Variants in GLG1 observed in about 807,000 individuals in gnomAD.
GLG1 encodes golgi glycoprotein 1, also known as Golgi apparatus protein 1.
GLG1 carries 38 observed loss-of-function variants against 160.5 expected under a neutral mutation model. That is an observed-to-expected ratio of 0.24 (90% CI 0.18 to 0.31). The LOEUF is 0.31. Among genes scored for constraint, GLG1 ranks in the 10% least tolerant of loss-of-function variants. The pLI is 1.00. For missense variants in GLG1, 1,373 were observed against 1,505.2 expected (o/e 0.91, Z 1.45); for synonymous variants, 644 against 543.4 (o/e 1.19, Z -2.57).
intron 1 of GLG1, among the ~76,000 whole-genome samples, chr16:74,560,458 C>T (rs1289010218): frequency 6.6e-6 from 1 of 151,688 alleles, no homozygotes; most frequent in Admixed American, 6.6e-5. Flanking sequence ...CTCCCCCCGC[C>T]GCCCCCCTGC....
At chr16:74,516,427 A>C (rs1313976709) in intron 2 of GLG1, among the ~76,000 whole-genome samples, 2 of 152,030 alleles carry the variant, frequency 1.3e-5, no homozygotes, top group Admixed American at 1.3e-4. Flanking sequence ...AACTACATGG[A>C]AACTGAACAA....
intron 8 of GLG1, among the ~76,000 whole-genome samples, chr16:74,487,562 C>G (rs1461525378): frequency 1.3e-5 from 2 of 152,106 alleles, no homozygotes; most frequent in African/African-American, 4.8e-5. Context: ...ATTTGGGAAA[C>G]CTACAAAATG....
intron 2 of GLG1, among the ~76,000 whole-genome samples, chr16:74,510,384 T>G (rs2016765572): frequency 6.6e-6 from 1 of 152,240 alleles, no homozygotes; most frequent in Non-Finnish European, 1.5e-5. Flanking sequence ...AGAAAATATC[T>G]AAAGCCTATT....
chr16:74,603,420 A>G (rs1051757645), intron 1 of GLG1, among the ~76,000 whole-genome samples: 6 of 152,010 alleles, frequency 3.9e-5, no homozygotes, highest in African/African-American at 1.4e-4. Flanking sequence ...AAAAAAAAAA[A>G]AAAAGAAAAT....
chr16:74,473,290 T>C (rs2015273519), intron 13 of GLG1, among the ~76,000 whole-genome samples: 1 of 152,004 alleles, frequency 6.6e-6, no homozygotes, highest in Non-Finnish European at 1.5e-5. Context: ...CTCGGCTCAC[T>C]GCAACCTCCG....
intron 2 of GLG1, among the ~76,000 whole-genome samples, chr16:74,529,080 C>T (rs1410846369): frequency 6.6e-6 from 1 of 151,678 alleles, no homozygotes; most frequent in Admixed American, 6.6e-5. Flanking sequence ...AATTCTCCCG[C>T]CTCAGTCTCT....
intron 24 of GLG1, 113 bp downstream of exon 24, chr16:74,457,761 G>T: frequency 1.1e-6 from 1 of 910,304 alleles, no homozygotes. Flanking sequence ...TCTATGACTG[G>T]GCTACAACTA....
In GLG1 at chr16:74,450,409, T is replaced by C. The variant is rs774583937; in HGVS notation, c.*2758A>G. The C allele has an allele frequency of 6.6e-6, 1 of 152,206 alleles. No individual in the cohort carries two copies. The highest frequency in any genetic ancestry group is 2.4e-5 in the African/African-American group (1 of 41,442). 9.4% of individuals were successfully genotyped at this position (152,206 alleles called of 1,614,324 possible). A position where few individuals can be genotyped will look rare whatever the true frequency, so the allele number is the denominator to read the frequency against. ...TTCAGACTTTGCTGGCCTTGGCACT[T>C]AGAAAAACTTGCTCGGGGCCCTGCC... On this transcript the variant is annotated 3_prime_UTR_variant, in exon 26 of 26. Transcript: ENST00000422840.
chr16:74,558,413 A>T (rs2018410913), intron 1 of GLG1, among the ~76,000 whole-genome samples: 1 of 152,262 alleles, frequency 6.6e-6, no homozygotes, highest in African/African-American at 2.4e-5. Flanking sequence ...TAATAAAATG[A>T]AAGTGTGTGC....
chr16:74,572,826 T>G (rs1485162757), intron 1 of GLG1, among the ~76,000 whole-genome samples: 1 of 152,132 alleles, frequency 6.6e-6, no homozygotes, highest in African/African-American at 2.4e-5. Context: ...GAAGCCCAAT[T>G]TATAGCAGGT....
intron 23 of GLG1, among the ~76,000 whole-genome samples, chr16:74,459,271 G>A (rs1018808883): frequency 3.9e-5 from 6 of 152,194 alleles, no homozygotes; most frequent in African/African-American, 1.4e-4. Flanking sequence ...GAGGTCAGGA[G>A]ATCAAGACCA....
chr16:74,510,937 A>C (rs996107877), intron 2 of GLG1, among the ~76,000 whole-genome samples: 1 of 152,052 alleles, frequency 6.6e-6, no homozygotes, highest in Non-Finnish European at 1.5e-5. Flanking sequence ...CTAAGATGAA[A>C]CCTGAAAGGC....
intron 5 of GLG1, among the ~76,000 whole-genome samples, chr16:74,495,720 A>G (rs912112919): frequency 3.9e-5 from 6 of 152,212 alleles, no homozygotes; most frequent in African/African-American, 7.2e-5. Context: ...ATAGATGTAA[A>G]TAAGATCCTG....
intron 4 of GLG1, among the ~76,000 whole-genome samples, chr16:74,496,981 A>G (rs1218042694): frequency 2.0e-5 from 3 of 152,208 alleles, no homozygotes; most frequent in African/African-American, 7.2e-5. Flanking sequence ...TCAAAAATTC[A>G]TAAGAAACAC....
chr16:74,584,581 G>C (rs1237026737), intron 1 of GLG1, among the ~76,000 whole-genome samples: 1 of 151,980 alleles, frequency 6.6e-6, no homozygotes, highest in Non-Finnish European at 1.5e-5. Context: ...ATGAACTCTG[G>C]GGACTTGGGG....
At chr16:74,482,421 G>T (rs2015634611) in intron 10 of GLG1, among the ~76,000 whole-genome samples, 1 of 152,142 alleles carries the variant, frequency 6.6e-6, no homozygotes, top group Non-Finnish European at 1.5e-5. Context: ...TTGGAGGTGG[G>T]GAGAGAAAGC....
chr16:74,596,178 T>C (rs993670155), intron 1 of GLG1, among the ~76,000 whole-genome samples: 2 of 152,104 alleles, frequency 1.3e-5, no homozygotes, highest in Admixed American at 6.6e-5. Context: ...TTTGAGATCA[T>C]GCCACTGCCC....
At chr16:74,587,748 C>A (rs1567542035) in intron 1 of GLG1, among the ~76,000 whole-genome samples, 1 of 152,012 alleles carries the variant, frequency 6.6e-6, no homozygotes, top group Non-Finnish European at 1.5e-5. Flanking sequence ...TGCCTGTAGT[C>A]CGGAGGCTGA....
At chr16:74,573,781 C>A (rs1042531759) in intron 1 of GLG1, among the ~76,000 whole-genome samples, 1 of 150,820 alleles carries the variant, frequency 6.6e-6, no homozygotes, top group Admixed American at 6.7e-5. Context: ...AGCCACCTGG[C>A]CCAGCCTATC....
Sources: allele counts gnomAD v4.1 joint callset (sites outside exome capture counted in the v4.1 genomes callset), GRCh38; gene constraint gnomAD v4.1.1; transcripts MANE v1.5; gene names NCBI Gene and HGNC (gene_info 2026-07-23, HGNC 2026-07-21).